NPAS2: variants seen among roughly 807,000 people sequenced by gnomAD.
The protein encoded by NPAS2 is neuronal PAS domain protein 2, also known as neuronal PAS domain-containing protein 2.
Under a neutral mutation model 107.5 loss-of-function variants are expected in NPAS2, and 23 were observed. The ratio of observed to expected loss-of-function variants is 0.21; its 90% CI spans 0.15 to 0.30. The LOEUF (loss-of-function observed/expected upper bound fraction) is 0.30. Among genes scored for constraint, NPAS2 ranks in the 10% least tolerant of loss-of-function variants. The probability of loss-of-function intolerance (pLI) is 1.00; values close to 1 mark genes in which losing one functional copy is unlikely to be tolerated. For synonymous variants in NPAS2, 403 were observed against 417.5 expected (o/e 0.97, Z 0.42); for missense variants, 756 against 1,043.3 (o/e 0.72, Z 3.79).
At position 100,853,584 on chromosome 2, in the gene NPAS2, G is replaced by T. The variant is rs897063480; in HGVS notation, c.-23+33170G>T. Among the ~76,000 whole-genome samples the T allele has an allele frequency of 2.6e-5, 4 of 152,328 alleles. No homozygotes were observed. In the East Asian group the frequency reaches 5.8e-4, roughly 22 times the overall value. ...GTGTTCACTTGATTCTGAAAGGTCAGTGTTTTAGAACAGGCTTTTCACATG... is the reference window on the plus strand; with the variant it reads ...GTGTTCACTTGATTCTGAAAGGTCATTGTTTTAGAACAGGCTTTTCACATG... On this transcript the variant is annotated intron_variant, in intron 1 of 20. Coordinates refer to ENST00000335681, the MANE Select transcript of NPAS2 (RefSeq NM_002518.4).
rs191187482 is a variant in NPAS2 at position 100,993,249 on chromosome 2, G to A, written c.2112-98G>A. The A allele has an allele frequency of 3.2e-6, 4 of 1,260,284 alleles. No individual in the cohort carries two copies. In the East Asian group the frequency reaches 1.0e-4, roughly 32 times the overall value. 78.1% of individuals were successfully genotyped at this position (1,260,284 alleles called of 1,614,324 possible). ...CGCCTGGCCAAAAGTTTCTTATGAAGTCCAACTTATTTGTTTTTTCTTTGT... is the reference window on the plus strand; with the variant it reads ...CGCCTGGCCAAAAGTTTCTTATGAAATCCAACTTATTTGTTTTTTCTTTGT... On this transcript the variant is annotated intron_variant, in intron 19 of 20. Transcript: ENST00000335681.
At chr2:100,928,309 A>G (rs1348139293) in intron 3 of NPAS2, among the ~76,000 whole-genome samples, 2 of 152,126 alleles carry the variant, frequency 1.3e-5, no homozygotes, top group Non-Finnish European at 2.9e-5. Context: ...TTCCTAAATA[A>G]TGATTTAGCC....
intron 1 of NPAS2, among the ~76,000 whole-genome samples, chr2:100,864,480 T>C (rs1293192040): frequency 6.6e-6 from 1 of 152,174 alleles, no homozygotes; most frequent in African/African-American, 2.4e-5. Context: ...CAACAACTCC[T>C]TGGAATAAAA....
At position 100,820,810 on chromosome 2, in the gene NPAS2, G is replaced by T. The variant is rs1388865349; in HGVS notation, c.-23+396G>T. ...CGTGGTTGTCTTCGAGACCCATCGCGCTACCCTCCGAAACGTCGGGCGTCC... is the reference window on the plus strand; with the variant it reads ...CGTGGTTGTCTTCGAGACCCATCGCTCTACCCTCCGAAACGTCGGGCGTCC... On this transcript the variant is annotated intron_variant, in intron 1 of 20. Coordinates refer to ENST00000335681, the MANE Select transcript of NPAS2 (RefSeq NM_002518.4). This position sits in a 1 kb window ranked among gnomAD's most constrained non-coding sequence, Gnocchi z 5.6. Among the ~76,000 whole-genome samples the T allele has an allele frequency of 6.6e-6, 1 of 152,180 alleles. No homozygotes were observed. The highest frequency in any genetic ancestry group is 1.5e-5 in the Non-Finnish European group (1 of 68,032).
chr2:100,977,718 G>C lies in NPAS2; in HGVS notation c.1401G>C (p.Leu467=). 6.2e-7 allele frequency: 1 copy of C among 1,614,120 alleles called. No homozygotes were observed. The highest frequency in any genetic ancestry group is 1.7e-4 in the Middle Eastern group (1 of 6,060). ...CCCTTTCTCTCCCACAGGCCCCTCTGCCTTCCCCATCGTCCTGCGACCTCA... is the reference window on the plus strand; with the variant it reads ...CCCTTTCTCTCCCACAGGCCCCTCTCCCTTCCCCATCGTCCTGCGACCTCA... The part of the protein sequence containing the change: ...LSQAATMPAP[L]PSPSSCDLTQ... The change falls in exon 15 of 21, where the codon CTG becomes CTC. Residue 467 remains leucine (L), a synonymous_variant. Coordinates refer to ENST00000335681, the MANE Select transcript of NPAS2 (RefSeq NM_002518.4).
chr2:100,937,074 A>G (rs1003197353), intron 4 of NPAS2, among the ~76,000 whole-genome samples: 2 of 152,034 alleles, frequency 1.3e-5, no homozygotes, highest in Non-Finnish European at 2.9e-5. Context: ...AGCACCCAGG[A>G]CAGTGTGCCC....
chr2:100,978,337 G>GT (rs951447376), intron 15 of NPAS2, among the ~76,000 whole-genome samples: 2 of 152,086 alleles, frequency 1.3e-5, no homozygotes, highest in African/African-American at 2.4e-5. Flanking sequence ...TCCAGAGTCT[G>GT]TTTTTTTAAT....
chr2:100,831,306 TAAATAA>T (rs1336508303), intron 1 of NPAS2, among the ~76,000 whole-genome samples: 7 of 151,910 alleles, frequency 4.6e-5, no homozygotes, highest in South Asian at 2.1e-4. Flanking sequence ...AAAAAATAAA[TAAATAA>T]AAATAAAAAT....
intron 1 of NPAS2, among the ~76,000 whole-genome samples, chr2:100,821,367 C>G (rs1276010414): frequency 6.6e-6 from 1 of 152,100 alleles, no homozygotes; most frequent in Non-Finnish European, 1.5e-5. Flanking sequence ...CCCTGGAGTT[C>G]AACAGGTGTT....
chr2:100,983,732 C>G (rs527770581), intron 16 of NPAS2: 1 of 152,366 alleles, frequency 6.6e-6, no homozygotes, highest in South Asian at 2.1e-4. Flanking sequence ...ATGGAGTCAC[C>G]GAGCTGCCAT....
intron 1 of NPAS2, among the ~76,000 whole-genome samples, chr2:100,854,151 G>A (rs1678404602): frequency 1.1e-5 from 1 of 91,382 alleles, no homozygotes; most frequent in Admixed American, 1.4e-4. Context: ...GACATAGCCT[G>A]CCTCAACAAA....
rs191530935 is a variant in NPAS2, at chr2:100,910,052, C to T, written c.32+5266C>T. 2.1e-3 allele frequency among the ~76,000 whole-genome samples: 314 copies of T among 152,168 alleles called. 1 individual carries two copies. The highest frequency in any genetic ancestry group is 7.2e-3 in the African/African-American group (298 of 41,504). ...AGGCTTAGAAACTTGGGAATGTCTT[C>T]GTTCAAGGAGATCCAGAACCTCTCT... On this transcript the variant is annotated intron_variant, in intron 2 of 20. Coordinates refer to ENST00000335681, the MANE Select transcript of NPAS2 (RefSeq NM_002518.4).
At chr2:100,986,083 A>C (rs1360520575) in intron 16 of NPAS2, 1 of 152,254 alleles carries the variant, frequency 6.6e-6, no homozygotes, top group Non-Finnish European at 1.5e-5. Context: ...GGATTGCATG[A>C]AACATGAATC....
chr2:100,918,554 A>G (rs1683029252), intron 2 of NPAS2, among the ~76,000 whole-genome samples: 1 of 152,218 alleles, frequency 6.6e-6, no homozygotes, highest in Non-Finnish European at 1.5e-5. Context: ...ACTCAATAGT[A>G]AGGAAATAGA....
At chr2:100,950,534 C>CCTCA (rs1675161054) in intron 7 of NPAS2, among the ~76,000 whole-genome samples, 1 of 152,230 alleles carries the variant, frequency 6.6e-6, no homozygotes, top group Non-Finnish European at 1.5e-5. Context: ...GGCACCAAGT[C>CCTCA]CTCACATCTA....
intron 1 of NPAS2, among the ~76,000 whole-genome samples, chr2:100,881,087 C>T (rs1403730112): frequency 6.6e-6 from 1 of 152,188 alleles, no homozygotes; most frequent in African/African-American, 2.4e-5. Context: ...GATGCTGACG[C>T]TGTTGGCCTA....
intron 1 of NPAS2, among the ~76,000 whole-genome samples, chr2:100,877,305 A>T (rs1680032247): frequency 6.6e-6 from 1 of 152,192 alleles, no homozygotes; most frequent in African/African-American, 2.4e-5. Flanking sequence ...TCTACTAAAA[A>T]TACAAAAAAA....
At chr2:100,883,848 G>C (rs1348876563) in intron 1 of NPAS2, among the ~76,000 whole-genome samples, 5 of 152,140 alleles carry the variant, frequency 3.3e-5, no homozygotes, top group Non-Finnish European at 4.4e-5. Context: ...CACCTACCTG[G>C]TCAGTGATGG....
At chr2:100,898,742 G>C (rs1020333061) in intron 1 of NPAS2, among the ~76,000 whole-genome samples, 1 of 150,042 alleles carries the variant, frequency 6.7e-6, no homozygotes, top group Non-Finnish European at 1.5e-5. Context: ...TTTTTTCAGC[G>C]TAATAATTGG....
Sources: allele counts gnomAD v4.1 joint callset (sites outside exome capture counted in the v4.1 genomes callset), GRCh38; gene constraint gnomAD v4.1.1; non-coding constraint Gnocchi (gnomAD v3.1); transcripts MANE v1.5; gene names NCBI Gene and HGNC (gene_info 2026-07-23, HGNC 2026-07-21).